Variants in TAOK3 observed in about 807,000 individuals in gnomAD.
The protein encoded by TAOK3 is TAO kinase 3.
TAOK3 carries 40 observed loss-of-function variants against 120.4 expected under a neutral mutation model. The ratio of observed to expected loss-of-function variants is 0.33; its 90% CI spans 0.26 to 0.43. TAOK3 has a LOEUF of 0.43. Ranked by LOEUF, TAOK3 falls within the 20% of genes least tolerant of loss-of-function variation. The pLI, the probability that TAOK3 is intolerant of heterozygous loss-of-function variation, is 1.00. For missense variants in TAOK3, 821 were observed against 1,112.1 expected, an observed-to-expected ratio of 0.74 and a Z score of 3.72; for synonymous variants, 355 against 387.5, an observed-to-expected ratio of 0.92 and a Z score of 0.99.
intron 14 of TAOK3, among the ~76,000 whole-genome samples, chr12:118,187,513 A>G (rs1386203846): frequency 4.6e-5 from 7 of 152,180 alleles, no homozygotes; most frequent in African/African-American, 1.7e-4. Flanking sequence ...GTACTTGGTA[A>G]TATACATTAA....
intron 1 of TAOK3, among the ~76,000 whole-genome samples, chr12:118,334,588 T>C (rs1363062958): frequency 6.6e-6 from 1 of 152,076 alleles, no homozygotes; most frequent in Non-Finnish European, 1.5e-5. Context: ...AAAAATTTGT[T>C]TCGGAGGCCG....
chr12:118,259,140 T>G (rs1478695609), intron 2 of TAOK3, among the ~76,000 whole-genome samples: 1 of 152,194 alleles, frequency 6.6e-6, no homozygotes, highest in Non-Finnish European at 1.5e-5. Context: ...TAACTGTAAC[T>G]ATATATAATT....
At chr12:118,258,127 T>A (rs963886521) in intron 2 of TAOK3, among the ~76,000 whole-genome samples, 2 of 152,144 alleles carry the variant, frequency 1.3e-5, no homozygotes, top group African/African-American at 4.8e-5. Context: ...ATGAATTGTA[T>A]GGGAGAGTTG....
intron 13 of TAOK3, among the ~76,000 whole-genome samples, chr12:118,192,279 G>A (rs2037474462): frequency 6.6e-6 from 1 of 152,116 alleles, no homozygotes; most frequent in Non-Finnish European, 1.5e-5. Flanking sequence ...ATGTAATTAA[G>A]TAACTCAAGT....
chr12:118,167,007 T>C (rs558793167), intron 17 of TAOK3, among the ~76,000 whole-genome samples: 1 of 152,262 alleles, frequency 6.6e-6, no homozygotes, highest in South Asian at 2.1e-4. Flanking sequence ...ATTTCACTCA[T>C]GCCAAATTTT....
intron 4 of TAOK3, among the ~76,000 whole-genome samples, chr12:118,244,105 C>A (rs1265588879): frequency 3.3e-5 from 5 of 152,210 alleles, no homozygotes. Flanking sequence ...TTCAGGCACC[C>A]AGGCTAGAGT....
At chr12:118,325,206 G>GCAAAT (rs2043887998) in intron 1 of TAOK3, among the ~76,000 whole-genome samples, 1 of 152,152 alleles carries the variant, frequency 6.6e-6, no homozygotes, top group Non-Finnish European at 1.5e-5. Flanking sequence ...ATATCTCTCT[G>GCAAAT]ATTACTGATT....
intron 1 of TAOK3, among the ~76,000 whole-genome samples, chr12:118,368,955 T>C (rs1483445191): frequency 1.4e-5 from 2 of 147,300 alleles, no homozygotes; most frequent in Non-Finnish European, 3.0e-5. Context: ...GCTCAGGAGA[T>C]TGAGACCAGC....
intron 9 of TAOK3, among the ~76,000 whole-genome samples, chr12:118,215,319 G>A (rs1335935834): frequency 2.8e-5 from 3 of 107,460 alleles, no homozygotes; most frequent in South Asian, 2.9e-4. Flanking sequence ...CACGGTGAAA[G>A]CCCGTCTCTA....
At chr12:118,252,226 A>G (rs969567536) in intron 3 of TAOK3, among the ~76,000 whole-genome samples, 4 of 152,224 alleles carry the variant, frequency 2.6e-5, no homozygotes, top group Non-Finnish European at 4.4e-5. Flanking sequence ...GAAAGCAAAG[A>G]TGACAGAAGA....
chr12:118,320,595 T>C (rs1378262471), intron 1 of TAOK3, among the ~76,000 whole-genome samples: 3 of 152,176 alleles, frequency 2.0e-5, no homozygotes, highest in Non-Finnish European at 2.9e-5. Flanking sequence ...ATTGGACACA[T>C]ACTGGCCAGT....
intron 9 of TAOK3, among the ~76,000 whole-genome samples, chr12:118,220,146 G>A (rs1046720252): frequency 6.6e-6 from 1 of 151,632 alleles, no homozygotes; most frequent in Admixed American, 6.6e-5. Flanking sequence ...AGGCTCAGGC[G>A]ATCCTCCCAC....
At chr12:118,330,761 A>C (rs1706467) in intron 1 of TAOK3, among the ~76,000 whole-genome samples, 12 of 141,372 alleles carry the variant, frequency 8.5e-5, no homozygotes, top group Non-Finnish European at 1.5e-4. Flanking sequence ...AAAGAGGAGG[A>C]CAAAAAAAAA....
At chr12:118,225,543 A>G (rs1354402952) in intron 9 of TAOK3, among the ~76,000 whole-genome samples, 1 of 152,182 alleles carries the variant, frequency 6.6e-6, no homozygotes, top group Non-Finnish European at 1.5e-5. Flanking sequence ...CTGAGAAATT[A>G]AATGTTCTTG....
chr12:118,201,087 T>G (rs1035434241), intron 12 of TAOK3: 8 of 426,548 alleles, frequency 1.9e-5, no homozygotes, highest in Non-Finnish European at 3.3e-5. Context: ...GATGGACCCC[T>G]GCAATGGGGT....
At chr12:118,320,507 C>T (rs78682908) in intron 1 of TAOK3, among the ~76,000 whole-genome samples, 3,838 of 152,076 alleles carry the variant, frequency 0.025, 96 homozygotes, top group Non-Finnish European at 0.039. Context: ...CTGCTGAAAG[C>T]CCAAGGCAAA....
chr12:118,365,434 G>A (rs1225836445), intron 1 of TAOK3, among the ~76,000 whole-genome samples: 1 of 151,526 alleles, frequency 6.6e-6, no homozygotes, highest in East Asian at 1.9e-4. Flanking sequence ...GCGGGGGCGG[G>A]GGCGGTGTTT....
Position 118,358,595 on chromosome 12 carries a change from T to C in TAOK3, c.-194+14053A>G, listed in dbSNP as rs114033930. ...CCTTCAGTATATTTCAAGTTTTTTA[T>C]TTAAAAGACTCTTCCGACAAAATAT... On this transcript the variant is annotated intron_variant, in intron 1 of 20. Coordinates refer to ENST00000392533, the MANE Select transcript of TAOK3 (RefSeq NM_016281.4). Among the ~76,000 whole-genome samples, 442 of 152,334 alleles carry C rather than the reference T, an allele frequency of 2.9e-3. 2 individuals are homozygous for C. The highest frequency in any genetic ancestry group is 0.01 in the African/African-American group (428 of 41,582).
rs550315913 is a variant in TAOK3 at position 118,274,086 on chromosome 12, C to T, written c.-193-7327G>A. 9.2e-5 allele frequency among the ~76,000 whole-genome samples: 14 copies of T among 151,936 alleles called. No homozygotes were observed. The East Asian group carries it at 2.5e-3, about 27-fold the overall frequency. ...GTTTCTTCCCCCGTTTCCTTCCACA[C>T]GACTTCCCATAAGACTTGAAGAGAA... On this transcript the variant is annotated intron_variant, in intron 1 of 20. Coordinates refer to ENST00000392533, the MANE Select transcript of TAOK3 (RefSeq NM_016281.4).
Sources: gnomAD v4.1 joint callset for allele counts (sites outside exome capture counted in the v4.1 genomes callset) on GRCh38, gnomAD v4.1.1 for gene constraint, MANE v1.5 for transcripts, NCBI Gene and HGNC (gene_info 2026-07-23, HGNC 2026-07-21) for gene names.